The following PNLIPRP3 variants were observed in gnomAD, a reference collection of about 807,000 sequenced individuals.
PNLIPRP3 encodes pancreatic lipase-related protein 3.
PNLIPRP3 carries 58 observed loss-of-function variants against 52.8 expected under a neutral mutation model. That is an observed-to-expected ratio of 1.10 (90% CI 0.89 to 1.37). PNLIPRP3 has a LOEUF of 1.37. PNLIPRP3 is among the 40% of genes most tolerant of loss of function. The probability of loss-of-function intolerance (pLI) is 0.00; values close to 1 mark genes in which losing one functional copy is unlikely to be tolerated. For synonymous variants in PNLIPRP3, 192 were observed against 185.0 expected (o/e 1.04, Z -0.31); for missense variants, 593 against 561.6 (o/e 1.06, Z -0.57).
At chr10:116,468,613 G>C (rs908045603) in intron 8 of PNLIPRP3, among the ~76,000 whole-genome samples, 3 of 152,152 alleles carry the variant, frequency 2.0e-5, no homozygotes, top group Admixed American at 1.3e-4. Context: ...TGCTGTAAGC[G>C]GGGGCTTCTT....
At chr10:116,466,747 T>C (rs1248889572) in intron 8 of PNLIPRP3, among the ~76,000 whole-genome samples, 2 of 152,222 alleles carry the variant, frequency 1.3e-5, no homozygotes, top group Admixed American at 6.5e-5. Flanking sequence ...AAGATCTTCA[T>C]TCTTGTGCTT....
intron 8 of PNLIPRP3, among the ~76,000 whole-genome samples, chr10:116,466,722 T>C (rs1846286820): frequency 6.6e-6 from 1 of 152,236 alleles, no homozygotes; most frequent in African/African-American, 2.4e-5. Flanking sequence ...ATCTATTTTG[T>C]AGTGGGAAGT....
At chr10:116,464,382 C>T (rs1240272576) in intron 7 of PNLIPRP3, among the ~76,000 whole-genome samples, 1 of 152,248 alleles carries the variant, frequency 6.6e-6, no homozygotes, top group South Asian at 2.1e-4. Context: ...GAGACCTCCA[C>T]AGCCTGCAGT....
intron 8 of PNLIPRP3, among the ~76,000 whole-genome samples, chr10:116,468,790 T>A (rs1377632800): frequency 6.6e-6 from 1 of 152,194 alleles, no homozygotes; most frequent in Non-Finnish European, 1.5e-5. Context: ...CAGAAGCAAA[T>A]GAGAATTCCC....
chr10:116,466,298 G>T (rs754790002), intron 8 of PNLIPRP3, 130 bp downstream of exon 8: 3 of 643,474 alleles, frequency 4.7e-6, no homozygotes, highest in African/African-American at 3.7e-5. Context: ...ATAATGGATT[G>T]TTTCTGTGCT....
chr10:116,473,025 C>T (rs1846399650), intron 10 of PNLIPRP3, among the ~76,000 whole-genome samples: 1 of 152,192 alleles, frequency 6.6e-6, no homozygotes, highest in African/African-American at 2.4e-5. Flanking sequence ...TGATTTGTGC[C>T]CTGCACAGAG....
chr10:116,440,045 T>TC, intron 2 of PNLIPRP3: 1 of 748,698 alleles, frequency 1.3e-6, no homozygotes, highest in East Asian at 2.4e-5. Context: ...CCTTTAGCCA[T>TC]CCTGACTGTA....
chr10:116,443,437 T>C (rs1845886473), intron 3 of PNLIPRP3, among the ~76,000 whole-genome samples: 1 of 151,818 alleles, frequency 6.6e-6, no homozygotes, highest in African/African-American at 2.4e-5. Context: ...ATGATCAATT[T>C]CTCATTTAAT....
intron 2 of PNLIPRP3, among the ~76,000 whole-genome samples, chr10:116,438,321 G>A (rs75571744): frequency 0.01 from 1,596 of 152,290 alleles, 49 homozygotes; most frequent in Admixed American, 0.034. Flanking sequence ...CAGGAAAAAA[G>A]TGGGGCCAGA....
At chr10:116,474,755 A>G (rs1827841124) in intron 10 of PNLIPRP3, among the ~76,000 whole-genome samples, 2 of 152,208 alleles carry the variant, frequency 1.3e-5, no homozygotes, top group South Asian at 4.1e-4. Flanking sequence ...ATAAGATACC[A>G]TCTCACACCA....
chr10:116,468,616 G>A (rs534720397), intron 8 of PNLIPRP3, among the ~76,000 whole-genome samples: 1 of 152,186 alleles, frequency 6.6e-6, no homozygotes, highest in East Asian at 1.9e-4. Context: ...TGTAAGCGGG[G>A]GCTTCTTACC....
At chr10:116,429,016 T>C (rs772920161) in intron 1 of PNLIPRP3, among the ~76,000 whole-genome samples, 32 of 152,070 alleles carry the variant, frequency 2.1e-4, no homozygotes, top group South Asian at 1.0e-3. Context: ...AACAGGACAG[T>C]AACCAAAATA....
rs1357047855 is a variant in PNLIPRP3 at position 116,476,665 on chromosome 10, C to G, written c.1186C>G (p.Pro396Ala). ...EFAIVSGKLE[P>A]GMTYTKLIDA... Reference sequence around the variant, plus strand: ...TTTTGTTTACAGTGGAAAACTTGAGCCAGGCATGACTTACACAAAATTAAT... The same window carrying G: ...TTTTGTTTACAGTGGAAAACTTGAGGCAGGCATGACTTACACAAAATTAAT... Residue 396 changes from proline to alanine, a missense_variant, in exon 11 of 12, where the codon CCA (proline) becomes GCA (alanine). Coordinates refer to ENST00000369230, the MANE Select transcript of PNLIPRP3 (RefSeq NM_001011709.3). 6.4e-7 allele frequency: 1 copy of G among 1,568,262 alleles called. No homozygotes were observed. Among genetic ancestry groups the G allele is most frequent in the Non-Finnish European group, 8.6e-7 (1 of 1,162,270 alleles).
At chr10:116,447,799 T>C (rs549971792) in intron 4 of PNLIPRP3, among the ~76,000 whole-genome samples, 4 of 152,080 alleles carry the variant, frequency 2.6e-5, no homozygotes, top group African/African-American at 7.2e-5. Flanking sequence ...TAGCTGGTCA[T>C]GGTGGCGCGC....
chr10:116,434,924 C>T (rs1564692045), intron 1 of PNLIPRP3, among the ~76,000 whole-genome samples: 2 of 152,028 alleles, frequency 1.3e-5, no homozygotes. Context: ...GAAAAAAAGG[C>T]AACCAGAGAA....
chr10:116,446,640 A>G (rs1341718302), intron 4 of PNLIPRP3, among the ~76,000 whole-genome samples: 3 of 152,296 alleles, frequency 2.0e-5, no homozygotes, highest in Non-Finnish European at 4.4e-5. Context: ...AGATAATAGG[A>G]ATAGGGAGAC....
intron 1 of PNLIPRP3, among the ~76,000 whole-genome samples, chr10:116,432,924 C>T (rs376227323): frequency 2.1e-4 from 32 of 151,734 alleles, no homozygotes; most frequent in African/African-American, 6.3e-4. Context: ...ACTAGCTTGG[C>T]TAACATGGTG....
At position 116,451,854 on chromosome 10, in the gene PNLIPRP3, G is replaced by A. The variant is rs912594832; in HGVS notation, c.457-3868G>A. On this transcript the variant is annotated intron_variant, in intron 4 of 11. Transcript: ENST00000369230. ...GAATGAACTAACACAAAAAAAATTA[G>A]TAAAAAGGAGCAGGGCATTGCTATA... 2.6e-5 allele frequency among the ~76,000 whole-genome samples: 4 copies of A among 151,870 alleles called. No individual in the cohort carries two copies. The South Asian group carries it at 8.3e-4, about 32-fold the overall frequency.
At chr10:116,428,176 G>A (rs1845663654) in intron 1 of PNLIPRP3, 115 bp downstream of exon 1, 2 of 725,142 alleles carry the variant, frequency 2.8e-6, no homozygotes, top group Non-Finnish European at 4.5e-6. Flanking sequence ...TCATTCTTAA[G>A]TAGTTTATTG....
Sources: allele counts gnomAD v4.1 joint callset (sites outside exome capture counted in the v4.1 genomes callset), GRCh38; gene constraint gnomAD v4.1.1; transcripts MANE v1.5; gene names NCBI Gene and HGNC (gene_info 2026-07-23, HGNC 2026-07-21).